Variants in MMP28 observed in about 807,000 individuals in gnomAD.
MMP28 encodes matrix metalloproteinase-28.
In MMP28, 55 loss-of-function variants were observed where a neutral mutation model predicts 60.5. The ratio of observed to expected loss-of-function variants is 0.91; its 90% CI spans 0.73 to 1.14. The LOEUF (loss-of-function observed/expected upper bound fraction) is 1.14, where lower values mean the gene tolerates loss of function less well. Among genes scored for constraint, MMP28 ranks in the 50% most tolerant of loss-of-function variants. The pLI, the probability that MMP28 is intolerant of heterozygous loss-of-function variation, is 0.00. For missense variants in MMP28, 686 were observed against 738.3 expected, an observed-to-expected ratio of 0.93 and a Z score of 0.82; for synonymous variants, 318 against 312.5, an observed-to-expected ratio of 1.02 and a Z score of -0.18.
rs768108095 is a variant in MMP28, at chr17:35,767,850, G to A, written c.1070C>T (p.Ser357Leu). ...FWEVAADGNV[S>L]EPRPLQERWV... Reference sequence around the variant, plus strand: ...TCTTTCCTGCAGTGGACGGGGCTCTGAGACGTTGCCATCAGCTGCCACCTC... The same window carrying A: ...TCTTTCCTGCAGTGGACGGGGCTCTAAGACGTTGCCATCAGCTGCCACCTC... Residue 357 changes from serine to leucine, a missense_variant, in exon 7 of 8, where the codon TCA (serine) becomes TTA (leucine). Coordinates refer to ENST00000605424, the MANE Select transcript of MMP28 (RefSeq NM_024302.5). 7.1e-5 allele frequency: 115 copies of A among 1,611,382 alleles called. No homozygotes were observed. The highest frequency in any genetic ancestry group is 9.6e-5 in the Non-Finnish European group (113 of 1,179,122).
At chr17:35,764,111 C>A (rs140052043), downstream of MMP28, 2,550 of 1,550,174 alleles carry the variant, frequency 1.6e-3, 39 homozygotes, top group African/African-American at 0.031. Context: ...CGAGGACAAC[C>A]AGAGGCCGCT....
chr17:35,778,681 A>C, intron 3 of MMP28: 2 of 1,230,960 alleles, frequency 1.6e-6, no homozygotes, highest in Non-Finnish European at 2.2e-6. Flanking sequence ...TACAATGAAA[A>C]TTCATCAATG....
intron 3 of MMP28, among the ~76,000 whole-genome samples, chr17:35,776,496 T>C (rs1026430437): frequency 9.2e-5 from 14 of 152,206 alleles, no homozygotes; most frequent in African/African-American, 3.4e-4. Context: ...TTTCTTTTTT[T>C]AACTTTAAAA....
chr17:35,762,024 CTT>C (rs2085830808), downstream of MMP28, among the ~76,000 whole-genome samples: 1 of 151,830 alleles, frequency 6.6e-6, no homozygotes, highest in Non-Finnish European at 1.5e-5. Flanking sequence ...GAGTTTTGCT[CTT>C]GTTGCTCAGG....
chr17:35,783,774 G>A (rs989440653), intron 1 of MMP28, among the ~76,000 whole-genome samples: 3 of 152,104 alleles, frequency 2.0e-5, no homozygotes, highest in Non-Finnish European at 4.4e-5. Context: ...GTGGAGGGCA[G>A]GATGGGGGTT....
At position 35,770,293 on chromosome 17, in the gene MMP28, G is replaced by C. The variant is rs759168375; in HGVS notation, c.624C>G (p.Ala208=). 6.5e-7 allele frequency: 1 copy of C among 1,535,506 alleles called. No individual in the cohort carries two copies. The highest frequency in any genetic ancestry group is 1.2e-5 in the South Asian group (1 of 82,312). ...FDGPGGALAH[A]FLPRRGEAHF... ...GCGCTTCGCCGCGGCGGGGCAGGAAGGCGTGCGCCAGGGCGCCCCCTGCAG... is the reference window on the plus strand; with the variant it reads ...GCGCTTCGCCGCGGCGGGGCAGGAACGCGTGCGCCAGGGCGCCCCCTGCAG... The change falls in exon 5 of 8, where the codon GCC becomes GCG. Residue 208 remains alanine (A), a synonymous_variant. Coordinates refer to ENST00000605424, the MANE Select transcript of MMP28 (RefSeq NM_024302.5).
chr17:35,776,296 C>T (rs147153984), intron 3 of MMP28, among the ~76,000 whole-genome samples: 5,061 of 152,044 alleles, frequency 0.033, 305 homozygotes, highest in African/African-American at 0.12. Context: ...CTCAGTCTCC[C>T]GAGTATCTGG....
chr17:35,769,309 C>G (rs1598423296), intron 5 of MMP28, among the ~76,000 whole-genome samples: 1 of 152,186 alleles, frequency 6.6e-6, no homozygotes, highest in Non-Finnish European at 1.5e-5. Context: ...ATAAGTTTCT[C>G]AGGCTACAAA....
Position 35,778,870 on chromosome 17 carries a change from G to A in MMP28, c.379+18C>T, listed in dbSNP as rs199661178. 1 of 1,614,034 alleles carries A rather than the reference G, an allele frequency of 6.2e-7. No individual in the cohort carries two copies. Among genetic ancestry groups the A allele is most frequent in the Admixed American group, 1.7e-5 (1 of 60,032 alleles). On this transcript the variant is annotated intron_variant, in intron 3 of 7. Coordinates refer to ENST00000605424, the MANE Select transcript of MMP28 (RefSeq NM_024302.5). ...ACATTGGGAAATCTTGGCCTAGCCG[G>A]ATTTTAACAGTGCTCACCTTGCTTT...
chr17:35,776,583 C>A (rs570022451), intron 3 of MMP28, among the ~76,000 whole-genome samples: 62 of 152,226 alleles, frequency 4.1e-4, no homozygotes, highest in African/African-American at 1.5e-3. Flanking sequence ...TAATACTATC[C>A]TCTATCAAAA....
In MMP28 at chr17:35,766,284, A is replaced by T. The variant is rs1555603078; in HGVS notation, c.*216T>A. 2.2e-6 allele frequency: 3 copies of T among 1,345,450 alleles called. No individual in the cohort carries two copies. The highest frequency in any genetic ancestry group is 1.5e-5 in the African/African-American group (1 of 68,576). The allele number at this position is 1,345,450 out of a possible 1,614,324, so 83.3% of individuals were successfully genotyped here. A position where few individuals can be genotyped will look rare whatever the true frequency, so the allele number is the denominator to read the frequency against. On this transcript the variant is annotated 3_prime_UTR_variant, in exon 8 of 8. Coordinates refer to ENST00000605424, the MANE Select transcript of MMP28 (RefSeq NM_024302.5). The surrounding 1 kb of genome is among the most constrained non-coding windows in gnomAD (Gnocchi z 4.3). ...TCTGGGACCCTTTTTTGCTTTTCCTAAGATTGATCCCACCCCCACCTCCAT... is the reference window on the plus strand; with the variant it reads ...TCTGGGACCCTTTTTTGCTTTTCCTTAGATTGATCCCACCCCCACCTCCAT...
At chr17:35,761,286 T>G (rs1287997710), downstream of MMP28, among the ~76,000 whole-genome samples, 3 of 151,882 alleles carry the variant, frequency 2.0e-5, no homozygotes, top group African/African-American at 4.8e-5. Flanking sequence ...GTATTTTGTA[T>G]TTTTAGTAGA....
chr17:35,795,386 C>T lies in MMP28; in HGVS notation c.-9G>A. The T allele has an allele frequency of 7.0e-7, 1 of 1,427,236 alleles. No homozygotes were observed. Among genetic ancestry groups the T allele is most frequent in the South Asian group, 1.5e-5 (1 of 68,354 alleles). 88.4% of individuals were successfully genotyped at this position (1,427,236 alleles called of 1,614,324 possible). A position where few individuals can be genotyped will look rare whatever the true frequency, so the allele number is the denominator to read the frequency against. On this transcript the variant is annotated 5_prime_UTR_variant, in exon 1 of 8. Transcript: ENST00000605424. The stretch of plus-strand genomic sequence containing the variant: ...CCGACGCGCGCGACCATCTCGCCGC[C>T]TCCGGTGCAGCCCGGCTCGGGGAGC...
chr17:35,773,037 A>G, intron 4 of MMP28, 143 bp downstream of exon 4: 1 of 676,752 alleles, frequency 1.5e-6, no homozygotes, highest in East Asian at 2.7e-5. Context: ...CCATTTTAGG[A>G]TGAGGAGACT....
At chr17:35,774,364 G>A (rs1555606986) in intron 3 of MMP28, among the ~76,000 whole-genome samples, 1 of 152,146 alleles carries the variant, frequency 6.6e-6, no homozygotes, top group Non-Finnish European at 1.5e-5. Context: ...GGACTCTTGG[G>A]CCAAGGATGT....
intron 7 of MMP28, among the ~76,000 whole-genome samples, chr17:35,767,255 C>G (rs778144641): frequency 1.3e-5 from 2 of 152,120 alleles, no homozygotes; most frequent in Non-Finnish European, 2.9e-5. Flanking sequence ...ATACAAGGCA[C>G]TCAATATTGG....
chr17:35,760,818 G>A, intron 2 of MMP28: 1 of 1,182,804 alleles, frequency 8.5e-7, no homozygotes. Context: ...GGCAGGTGAG[G>A]TTCTAGCCCC....
At chr17:35,782,051 CT>C (rs1399946214) in intron 1 of MMP28, among the ~76,000 whole-genome samples, 361 of 130,834 alleles carry the variant, frequency 2.8e-3, no homozygotes, top group East Asian at 0.017. Flanking sequence ...GTATTTCTCT[CT>C]TTTTTTTTTT....
intron 7 of MMP28, 124 bp downstream of exon 7, chr17:35,767,628 T>C: frequency 8.6e-7 from 1 of 1,167,702 alleles, no homozygotes; most frequent in Non-Finnish European, 1.2e-6. Context: ...CAGGTTCAGA[T>C]TGGAATGGAG....
Sources: gnomAD v4.1 joint callset for allele counts (sites outside exome capture counted in the v4.1 genomes callset) on GRCh38, gnomAD v4.1.1 for gene constraint, Gnocchi (gnomAD v3.1) non-coding constraint, MANE v1.5 for transcripts, NCBI Gene and HGNC (gene_info 2026-07-23, HGNC 2026-07-21) for gene names.